DOP1B: variants seen among roughly 807,000 people sequenced by gnomAD.
DOP1B encodes DOP1 leucine zipper like protein B.
Under a neutral mutation model 233.5 loss-of-function variants are expected in DOP1B, and 174 were observed. The observed-to-expected ratio is 0.75, with a 90% CI of 0.66 to 0.85. The LOEUF (loss-of-function observed/expected upper bound fraction) is 0.85, where lower values mean the gene tolerates loss of function less well. Ranked by LOEUF, DOP1B falls within the 40% of genes least tolerant of loss-of-function variation. The probability of loss-of-function intolerance (pLI) is 0.00; values close to 1 mark genes in which losing one functional copy is unlikely to be tolerated. For synonymous variants in DOP1B, 1,190 were observed against 1,185.6 expected, an observed-to-expected ratio of 1.00 and a Z score of -0.08; for missense variants, 2,652 against 2,846.6, an observed-to-expected ratio of 0.93 and a Z score of 1.56.
At chr21:36,160,532 C>T (rs1311434583) in intron 1 of DOP1B, among the ~76,000 whole-genome samples, 2 of 144,542 alleles carry the variant, frequency 1.4e-5, no homozygotes, top group East Asian at 2.1e-4. Context: ...GGCTGGAGTG[C>T]GGTGGCACAA....
At chr21:36,275,000 A>T (rs1379164113) in intron 27 of DOP1B, among the ~76,000 whole-genome samples, 1 of 151,920 alleles carries the variant, frequency 6.6e-6, no homozygotes, top group Non-Finnish European at 1.5e-5. Flanking sequence ...GCACGCCACC[A>T]CACCTGGGTA....
intron 9 of DOP1B, 26 bp from the exon 10 acceptor site, chr21:36,219,346 T>C: frequency 6.2e-7 from 1 of 1,614,114 alleles, no homozygotes; most frequent in Admixed American, 1.7e-5. Flanking sequence ...TTAATCTGTC[T>C]CTGACCATCT....
At position 36,176,097 on chromosome 21, in the gene DOP1B, C is replaced by CGT. The variant is rs1555886143; in HGVS notation, c.138+11250_138+11251dup. Reference sequence around the variant, plus strand: ...GAGCTTCGACTTTGGGGTGTGTGTGCGTGTGTGTGTGTGTGTGTGTGTGTG... The same window carrying CGT: ...GAGCTTCGACTTTGGGGTGTGTGTGCGTGTGTGTGTGTGTGTGTGTGTGTGTG... On this transcript the variant is annotated intron_variant, in intron 2 of 36. Transcript: ENST00000691173. Among the ~76,000 whole-genome samples the CGT allele has an allele frequency of 1.6e-3, 228 of 141,846 alleles. 3 individuals carry two copies. The highest frequency in any genetic ancestry group is 0.014 in the South Asian group (62 of 4,402). The allele number at this position is 141,846 out of a possible 152,430, so 93.1% of individuals were successfully genotyped here.
intron 2 of DOP1B, among the ~76,000 whole-genome samples, chr21:36,174,422 A>G (rs1285526509): frequency 3.3e-5 from 5 of 152,194 alleles, no homozygotes. Flanking sequence ...TGGGTGGCGG[A>G]GGTTGCAGTG....
intron 26 of DOP1B, 109 bp from the exon 27 acceptor site, chr21:36,269,904 G>C: frequency 1.7e-6 from 2 of 1,143,418 alleles, no homozygotes; most frequent in Non-Finnish European, 1.3e-6. Flanking sequence ...GTACGTATAT[G>C]CTCACAGCTG....
chr21:36,247,342 G>A lies in DOP1B; in HGVS notation c.4698-175G>A, dbSNP rs540927085. 2.6e-5 allele frequency among the ~76,000 whole-genome samples: 4 copies of A among 152,314 alleles called. No homozygotes were observed. The East Asian group carries it at 7.7e-4, about 29-fold the overall frequency. On this transcript the variant is annotated intron_variant, in intron 19 of 36. Coordinates refer to ENST00000691173, the MANE Select transcript of DOP1B (RefSeq NM_001320714.2). ...ATTTTTCCAAAGTGACTATATGAAT[G>A]TAAAATCACACAAAGGATGGTTAAC... is the stretch of plus-strand genomic sequence containing the variant.
intron 23 of DOP1B, among the ~76,000 whole-genome samples, chr21:36,259,265 TTTTTTTTTTTTTTC>T (rs2067142846): frequency 3.8e-5 from 1 of 26,596 alleles, no homozygotes; most frequent in East Asian, 1.3e-3. Flanking sequence ...GCGCCCGGGC[TTTTTTTTTTTTTTC>T]TTTTTTTTTG....
At chr21:36,266,341 A>C (rs2123650216) in intron 26 of DOP1B, among the ~76,000 whole-genome samples, 1 of 152,032 alleles carries the variant, frequency 6.6e-6, no homozygotes, top group East Asian at 1.9e-4. Context: ...AATGCCAGCT[A>C]ATTTTTGTAT....
At chr21:36,263,905 C>T in intron 26 of DOP1B, 91 bp downstream of exon 26, 1 of 1,239,132 alleles carries the variant, frequency 8.1e-7, no homozygotes, top group South Asian at 1.3e-5. Flanking sequence ...AGACAAGAGA[C>T]ATTGGACAGA....
chr21:36,159,280 C>A (rs978877973), intron 1 of DOP1B, among the ~76,000 whole-genome samples: 1 of 151,906 alleles, frequency 6.6e-6, no homozygotes, highest in Non-Finnish European at 1.5e-5. Context: ...GGAGAAACCC[C>A]ATCTCTACTA....
chr21:36,262,795 G>C (rs2067185320), intron 24 of DOP1B, among the ~76,000 whole-genome samples: 1 of 152,086 alleles, frequency 6.6e-6, no homozygotes, highest in Non-Finnish European at 1.5e-5. Context: ...GGAGGCTGAA[G>C]AACGAGAATC....
rs141554876 is a variant in DOP1B at position 36,271,790 on chromosome 21, AGAT to A, written c.5632+1639_5632+1641del. Among the ~76,000 whole-genome samples, 300 of 151,208 alleles carry A rather than the reference AGAT, an allele frequency of 2.0e-3. 5 individuals carry two copies. The highest frequency in any genetic ancestry group is 7.0e-3 in the African/African-American group (285 of 40,498). On this transcript the variant is annotated intron_variant, in intron 27 of 36. Transcript: ENST00000691173. The stretch of plus-strand genomic sequence containing the variant: ...GGTGATAGAAATCTGTGTGGGATAA[AGAT>A]GATGAGAATGTGTGTGTTTCTTTTT...
At chr21:36,212,799 T>G (rs544832832) in intron 7 of DOP1B, among the ~76,000 whole-genome samples, 57 of 152,372 alleles carry the variant, frequency 3.7e-4, no homozygotes, top group Non-Finnish European at 6.8e-4. Flanking sequence ...TTTTCCTTTT[T>G]GAGATGGAGT....
chr21:36,200,829 ACT>A (rs1484857190), intron 4 of DOP1B, among the ~76,000 whole-genome samples: 1 of 148,724 alleles, frequency 6.7e-6, no homozygotes, highest in African/African-American at 2.5e-5. Flanking sequence ...GACAACAGAG[ACT>A]CTGTCTCGAA....
chr21:36,183,338 C>T (rs1040295395), intron 2 of DOP1B, among the ~76,000 whole-genome samples: 1 of 152,218 alleles, frequency 6.6e-6, no homozygotes, highest in African/African-American at 2.4e-5. Flanking sequence ...TTGAGAACCA[C>T]TGCTGTAGAC....
chr21:36,208,669 G>A (rs763575386), intron 4 of DOP1B, 46 bp from the exon 5 acceptor site: 7 of 1,584,880 alleles, frequency 4.4e-6, no homozygotes, highest in East Asian at 4.6e-5. Context: ...AGTGGGACTC[G>A]GGAAGATGGG....
intron 32 of DOP1B, among the ~76,000 whole-genome samples, chr21:36,285,737 G>A (rs868667828): frequency 9.9e-5 from 15 of 152,154 alleles, no homozygotes; most frequent in Middle Eastern, 3.4e-3. Context: ...AGGAGGCTGG[G>A]CACAGTGGCC....
chr21:36,252,955 C>T (rs1366024184), intron 22 of DOP1B, among the ~76,000 whole-genome samples: 1 of 152,204 alleles, frequency 6.6e-6, no homozygotes, highest in Non-Finnish European at 1.5e-5. Flanking sequence ...GCTGCTGCAC[C>T]TCCTTGACAC....
chr21:36,282,922 G>A (rs1008412644), intron 32 of DOP1B, among the ~76,000 whole-genome samples: 1 of 150,850 alleles, frequency 6.6e-6, no homozygotes, highest in African/African-American at 2.4e-5. Context: ...AGCCGAGATT[G>A]TGCCACTGCA....
Sources: gnomAD v4.1 joint callset for allele counts (sites outside exome capture counted in the v4.1 genomes callset) on GRCh38, gnomAD v4.1.1 for gene constraint, MANE v1.5 for transcripts, NCBI Gene and HGNC (gene_info 2026-07-23, HGNC 2026-07-21) for gene names.